The following NIM1K variants were observed in gnomAD, a reference collection of about 807,000 sequenced individuals.
The protein encoded by NIM1K is NIM1 serine/threonine protein kinase.
Under a neutral mutation model 37.1 loss-of-function variants are expected in NIM1K, and 35 were observed. That is an observed-to-expected ratio of 0.94 (90% CI 0.72 to 1.25). The LOEUF is 1.25. Among genes scored for constraint, NIM1K ranks in the 50% most tolerant of loss-of-function variants. The pLI, the probability that NIM1K is intolerant of heterozygous loss-of-function variation, is 0.00. For synonymous variants in NIM1K, 234 were observed against 206.6 expected (o/e 1.13, Z -1.14); for missense variants, 564 against 548.0 (o/e 1.03, Z -0.29).
At chr5:43,253,213 TGTGTGTGTGTGTGTGTGTG>T (rs1752894399) in intron 2 of NIM1K, among the ~76,000 whole-genome samples, 3 of 60,354 alleles carry the variant, frequency 5.0e-5, no homozygotes, top group Non-Finnish European at 1.1e-4. Flanking sequence ...ATATAATATA[TGTGTGTGTGTGTGTGTGTG>T]TGTGTGTGTG....
At chr5:43,220,410 C>G (rs1752364764) in intron 1 of NIM1K, among the ~76,000 whole-genome samples, 1 of 151,756 alleles carries the variant, frequency 6.6e-6, no homozygotes, top group Non-Finnish European at 1.5e-5. Flanking sequence ...CTTAGCATCC[C>G]GAGTAGCTGA....
intron 1 of NIM1K, among the ~76,000 whole-genome samples, chr5:43,201,933 T>A (rs971164965): frequency 6.8e-6 from 1 of 146,946 alleles, no homozygotes; most frequent in African/African-American, 2.5e-5. Context: ...CACTCCAGCC[T>A]GGTGACAGAG....
At chr5:43,275,413 T>G in intron 2 of NIM1K, among the ~76,000 whole-genome samples, 1 of 152,202 alleles carries the variant, frequency 6.6e-6, no homozygotes, top group East Asian at 1.9e-4. Flanking sequence ...TCAGATTCTT[T>G]AAGATTGCCA....
chr5:43,232,712 T>C (rs539977371), intron 1 of NIM1K: 6 of 1,409,302 alleles, frequency 4.3e-6, no homozygotes, highest in Non-Finnish European at 5.8e-6. Flanking sequence ...AGTTGTTCCA[T>C]GAGCGGGGAG....
Position 43,277,061 on chromosome 5 carries a change from G to A in NIM1K, c.297G>A (p.Lys99=). 2 of 1,612,632 alleles carry A rather than the reference G, an allele frequency of 1.2e-6. No homozygotes were observed. The highest frequency in any genetic ancestry group is 8.5e-7 in the Non-Finnish European group (1 of 1,179,572). ...KLGIHSLTKE[K]VAIKILDKTK... ...TTTTACTTTTTTTCCTTGCAGAAAA[G>A]GTGGCCATTAAGATCCTGGACAAGA... The change falls in exon 3 of 4, where the codon AAG becomes AAA. Residue 99 remains lysine, a synonymous_variant. Transcript: ENST00000326035.
intron 1 of NIM1K, among the ~76,000 whole-genome samples, chr5:43,244,205 C>T (rs1340709486): frequency 6.6e-6 from 1 of 152,192 alleles, no homozygotes; most frequent in Non-Finnish European, 1.5e-5. Flanking sequence ...CTCATGTTTT[C>T]AGTCAAATTT....
intron 1 of NIM1K, chr5:43,195,012 C>T (rs1751891305): frequency 6.6e-6 from 1 of 152,202 alleles, no homozygotes. Flanking sequence ...AATCCAACTT[C>T]ATTCTTTGAA....
intron 2 of NIM1K, among the ~76,000 whole-genome samples, chr5:43,258,128 C>G (rs555822625): frequency 6.6e-6 from 1 of 152,298 alleles, no homozygotes; most frequent in East Asian, 1.9e-4. Context: ...TGAAGTGTAA[C>G]CACTATTCTG....
intron 1 of NIM1K, among the ~76,000 whole-genome samples, chr5:43,243,139 T>C (rs1163652978): frequency 6.6e-6 from 1 of 152,138 alleles, no homozygotes; most frequent in African/African-American, 2.4e-5. Context: ...CCAAGTACAT[T>C]AGTGACAAGG....
At chr5:43,213,212 TCTTTCTTTCTTTCCTTC>T (rs1561074878) in intron 1 of NIM1K, among the ~76,000 whole-genome samples, 1 of 64,572 alleles carries the variant, frequency 1.5e-5, no homozygotes, top group Admixed American at 1.4e-4. Context: ...TTTCTTTCTT[TCTTTCTTTCTTTCCTTC>T]TTTTCTTCCT....
intron 2 of NIM1K, among the ~76,000 whole-genome samples, chr5:43,257,760 CTT>C (rs111989907): frequency 5.0e-5 from 7 of 141,336 alleles, no homozygotes; most frequent in African/African-American, 5.2e-5. Flanking sequence ...TTTTTTATAA[CTT>C]TTTTTTTTTT....
intron 1 of NIM1K, among the ~76,000 whole-genome samples, chr5:43,238,861 C>T (rs1752657397): frequency 6.7e-6 from 1 of 149,352 alleles, no homozygotes; most frequent in Non-Finnish European, 1.5e-5. Flanking sequence ...TTCTACAACA[C>T]AGACTTTTAC....
At chr5:43,278,470 G>A (rs546036291) in intron 3 of NIM1K, among the ~76,000 whole-genome samples, 3 of 152,120 alleles carry the variant, frequency 2.0e-5, no homozygotes, top group Non-Finnish European at 2.9e-5. Context: ...GCCGTATTGC[G>A]GGCCATACAG....
chr5:43,257,987 T>C (rs1244422738), intron 2 of NIM1K, among the ~76,000 whole-genome samples: 18 of 152,150 alleles, frequency 1.2e-4, no homozygotes, highest in African/African-American at 4.1e-4. Context: ...ATCATGAGTA[T>C]TCATTTTGAT....
At chr5:43,278,819 A>T (rs1366983575) in intron 3 of NIM1K, among the ~76,000 whole-genome samples, 1 of 152,218 alleles carries the variant, frequency 6.6e-6, no homozygotes, top group Non-Finnish European at 1.5e-5. Flanking sequence ...GAGAGGAGGA[A>T]GAAAAAGAAG....
intron 1 of NIM1K, among the ~76,000 whole-genome samples, chr5:43,221,262 G>A (rs1289335730): frequency 6.6e-6 from 1 of 151,944 alleles, no homozygotes; most frequent in African/African-American, 2.4e-5. Context: ...ATCACTTGAC[G>A]TCAGGAGTTC....
chr5:43,226,311 G>T (rs552577706), intron 1 of NIM1K, among the ~76,000 whole-genome samples: 13 of 152,222 alleles, frequency 8.5e-5, no homozygotes, highest in Non-Finnish European at 1.8e-4. Context: ...TGTTAAAGGT[G>T]GGCAGGAGGC....
intron 1 of NIM1K, among the ~76,000 whole-genome samples, chr5:43,239,204 A>T (rs771690329): frequency 1.5e-3 from 163 of 112,386 alleles, no homozygotes; most frequent in Non-Finnish European, 3.0e-3. Flanking sequence ...AAATGTATTG[A>T]CATTTCTCTG....
At chr5:43,262,491 C>T (rs1004826340) in intron 2 of NIM1K, among the ~76,000 whole-genome samples, 2 of 152,164 alleles carry the variant, frequency 1.3e-5, no homozygotes, top group Non-Finnish European at 2.9e-5. Flanking sequence ...TCTTTATCAG[C>T]TTAAGGAGAT....
Sources: gnomAD v4.1 joint callset for allele counts (sites outside exome capture counted in the v4.1 genomes callset) on GRCh38, gnomAD v4.1.1 for gene constraint, MANE v1.5 for transcripts, NCBI Gene and HGNC (gene_info 2026-07-23, HGNC 2026-07-21) for gene names.